The following XPR1 variants were observed in gnomAD, a reference collection of about 807,000 sequenced individuals.
The protein encoded by XPR1 is xenotropic and polytropic retrovirus receptor 1.
Under a neutral mutation model 87.5 loss-of-function variants are expected in XPR1, and 28 were observed. The ratio of observed to expected loss-of-function variants is 0.32; its 90% confidence interval spans 0.24 to 0.44. The LOEUF is 0.44. Among genes scored for constraint, XPR1 ranks in the 20% least tolerant of loss-of-function variants. The pLI, the probability that XPR1 is intolerant of heterozygous loss-of-function variation, is 1.00. For synonymous variants in XPR1, 300 were observed against 306.1 expected (o/e 0.98, Z 0.21); for missense variants, 559 against 862.3 (o/e 0.65, Z 4.41).
At chr1:180,873,571 T>C (rs1652572138) in intron 12 of XPR1, among the ~76,000 whole-genome samples, 1 of 152,196 alleles carries the variant, frequency 6.6e-6, no homozygotes, top group Non-Finnish European at 1.5e-5. Context: ...TTACTCAAAT[T>C]CAGTAATACT....
chr1:180,645,296 T>C (rs1236270064), intron 1 of XPR1, among the ~76,000 whole-genome samples: 1 of 152,194 alleles, frequency 6.6e-6, no homozygotes, highest in Non-Finnish European at 1.5e-5. Flanking sequence ...CTGAGATAGG[T>C]GATCATGCAC....
chr1:180,824,044 A>G (rs1650734223), intron 7 of XPR1, among the ~76,000 whole-genome samples: 1 of 152,212 alleles, frequency 6.6e-6, no homozygotes, highest in African/African-American at 2.4e-5. Context: ...AGATATTACT[A>G]TATCCAGTTT....
intron 6 of XPR1, among the ~76,000 whole-genome samples, chr1:180,807,712 A>G (rs1317749221): frequency 6.6e-6 from 1 of 152,202 alleles, no homozygotes; most frequent in Non-Finnish European, 1.5e-5. Context: ...AGATTTAAAA[A>G]TTTATATGGA....
rs763912215 is a variant in XPR1 at position 180,806,064 on chromosome 1, T to C, written c.450T>C (p.Asn150=). Reference sequence around the variant, plus strand: ...GTGTTTCTCATTTCTTTCTGTAGAATCTGAATTTTACAGGGTTTCGAAAAA... The same window carrying C: ...GTGTTTCTCATTTCTTTCTGTAGAACCTGAATTTTACAGGGTTTCGAAAAA... ...LSLILLQNYQ[N]LNFTGFRKIL... The change falls in exon 5 of 15, where the codon AAT becomes AAC. Residue 150 remains asparagine (N), a splice_region_variant and synonymous_variant. Transcript: ENST00000367590. 6.2e-7 allele frequency: 1 copy of C among 1,612,096 alleles called. No individual in the cohort carries two copies. Among genetic ancestry groups the C allele is most frequent in the South Asian group, 1.1e-5 (1 of 90,664 alleles).
At chr1:180,789,975 A>G (rs987057823) in intron 3 of XPR1, among the ~76,000 whole-genome samples, 1 of 152,114 alleles carries the variant, frequency 6.6e-6, no homozygotes, top group Non-Finnish European at 1.5e-5. Context: ...TTCATGCTCC[A>G]AAGTGCTTTT....
chr1:180,796,708 A>G (rs1008872322), intron 3 of XPR1, among the ~76,000 whole-genome samples: 3 of 152,224 alleles, frequency 2.0e-5, no homozygotes, highest in East Asian at 3.8e-4. Context: ...ACTAGAAACA[A>G]TTCAAATGTC....
In XPR1 at chr1:180,863,730, G is replaced by C. The variant is rs1405138037; in HGVS notation, c.1524G>C (p.Met508Ile). The change falls in exon 12 of 15, where the codon ATG (methionine) becomes ATC (isoleucine). Residue 508 changes from methionine (M) to isoleucine (I), a missense_variant. Met to Ile is a conservative substitution (Grantham distance 10). Around this residue, in one of 7 missense-constraint regions of XPR1, gnomAD observed 264 missense variants for 377.2 expected, o/e 0.70. Coordinates refer to ENST00000367590, the MANE Select transcript of XPR1 (RefSeq NM_004736.4). ...THKERGHSDT[M>I]VFFYLWIVFY... ...CAGAACGAGGTCACTCGGACACTAT[G>C]GTGTTCTTTTACCTGTGGATTGTCT... is the stretch of plus-strand genomic sequence containing the variant. The C allele has an allele frequency of 2.5e-6, 4 of 1,595,356 alleles. No individual in the cohort carries two copies. The highest frequency in any genetic ancestry group is 3.4e-6 in the Non-Finnish European group (4 of 1,172,744).
In XPR1 at chr1:180,731,234, C is replaced by T. The variant is rs61400049; in HGVS notation, c.121+48823C>T. Among the ~76,000 whole-genome samples the T allele has an allele frequency of 3.3e-3, 504 of 152,074 alleles. 4 individuals are homozygous for T. The highest frequency in any genetic ancestry group is 0.011 in the African/African-American group (455 of 41,478). On this transcript the variant is annotated intron_variant, in intron 2 of 14. Transcript: ENST00000367590. ...TTTTAAAAATAAAAAGAAGTGTTAC[C>T]GAAACACCAGAGGTTTGGTCTAGGT...
chr1:180,836,614 T>C lies in XPR1; in HGVS notation c.1399T>C (p.Tyr467His). ...TCGCTTCATCCAGTGCCTGCGCCGA[T>C]ATCGAGACACAAAAAGGGCCTTTCC... ...WLRFIQCLRRYRDTKRAFPHL... is the reference protein window; with the variant it reads ...WLRFIQCLRRHRDTKRAFPHL... The change falls in exon 11 of 15, where the codon TAT (tyrosine) becomes CAT (histidine). Residue 467 changes from tyrosine (Y) to histidine (H), a missense_variant. Around this residue, in one of 7 missense-constraint regions of XPR1, gnomAD observed 264 missense variants for 377.2 expected, o/e 0.70. Coordinates refer to ENST00000367590, the MANE Select transcript of XPR1 (RefSeq NM_004736.4). 6.2e-7 allele frequency: 1 copy of C among 1,614,214 alleles called. No individual in the cohort carries two copies. Among genetic ancestry groups the C allele is most frequent in the Non-Finnish European group, 8.5e-7 (1 of 1,180,032 alleles).
chr1:180,803,936 C>T (rs1406450492), intron 4 of XPR1, among the ~76,000 whole-genome samples: 1 of 151,998 alleles, frequency 6.6e-6, no homozygotes. Context: ...AATAATACAT[C>T]TCTCCAGCCA....
intron 2 of XPR1, among the ~76,000 whole-genome samples, chr1:180,778,818 G>A (rs1456470598): frequency 1.3e-5 from 2 of 152,120 alleles, no homozygotes; most frequent in African/African-American, 4.8e-5. Flanking sequence ...AATTTCCTGG[G>A]AATTGCTATT....
rs1330154532 is a variant in XPR1 at position 180,696,206 on chromosome 1, G to GTATA, written c.121+13796_121+13797insATAT. 9.6e-3 allele frequency among the ~76,000 whole-genome samples: 981 copies of GTATA among 101,956 alleles called. 5 individuals are homozygous for GTATA. Among genetic ancestry groups the GTATA allele is most frequent in the Non-Finnish European group, 0.014 (693 of 49,368 alleles). The allele number at this position is 101,956 out of a possible 152,430, so 66.9% of individuals were successfully genotyped here. A position where few individuals can be genotyped will look rare whatever the true frequency, so the allele number is the denominator to read the frequency against. ...TGTGTGTGTGTGTGTGTGTGTGTGT[G>GTATA]TGTATATATATATATATATATATAT... On this transcript the variant is annotated intron_variant, in intron 2 of 14. Coordinates refer to ENST00000367590, the MANE Select transcript of XPR1 (RefSeq NM_004736.4).
intron 9 of XPR1, among the ~76,000 whole-genome samples, chr1:180,828,849 A>G (rs1275194575): frequency 2.0e-5 from 3 of 152,146 alleles, no homozygotes; most frequent in Non-Finnish European, 4.4e-5. Context: ...CCTATTAGTC[A>G]CTTATGTTAG....
intron 1 of XPR1, among the ~76,000 whole-genome samples, chr1:180,653,003 A>G (rs1384346918): frequency 3.3e-5 from 5 of 152,116 alleles, no homozygotes; most frequent in African/African-American, 9.7e-5. Flanking sequence ...ATGGTTTGCA[A>G]TTTGTGCTGG....
intron 3 of XPR1, among the ~76,000 whole-genome samples, chr1:180,794,070 G>A (rs1399886344): frequency 6.6e-6 from 1 of 152,086 alleles, no homozygotes; most frequent in African/African-American, 2.4e-5. Flanking sequence ...ATAGTTACGT[G>A]TCACTTAATG....
At chr1:180,790,370 G>A (rs1056963124) in intron 3 of XPR1, among the ~76,000 whole-genome samples, 3 of 151,820 alleles carry the variant, frequency 2.0e-5, no homozygotes, top group African/African-American at 7.3e-5. Context: ...AAAAAAATGA[G>A]CAAGCAAATT....
intron 9 of XPR1, among the ~76,000 whole-genome samples, chr1:180,828,875 C>T (rs191849095): frequency 6.6e-6 from 1 of 152,156 alleles, no homozygotes; most frequent in Admixed American, 6.5e-5. Context: ...TAACTTTGAT[C>T]TAGTGGATCA....
At chr1:180,805,074 G>C (rs1314442895) in intron 4 of XPR1, among the ~76,000 whole-genome samples, 1 of 152,044 alleles carries the variant, frequency 6.6e-6, no homozygotes, top group Non-Finnish European at 1.5e-5. Context: ...CTATTCTTTG[G>C]GGGTCATCTA....
At chr1:180,786,923 T>G (rs1337522821) in intron 2 of XPR1, among the ~76,000 whole-genome samples, 1 of 152,188 alleles carries the variant, frequency 6.6e-6, no homozygotes, top group East Asian at 1.9e-4. Context: ...TAATTTACAC[T>G]CTTCAGTGCA....
Sources: gnomAD v4.1 joint callset for allele counts (sites outside exome capture counted in the v4.1 genomes callset) on GRCh38, gnomAD v4.1.1 for gene constraint, gnomAD v4.1.1 regional missense constraint, MANE v1.5 for transcripts, NCBI Gene and HGNC (gene_info 2026-07-23, HGNC 2026-07-21) for gene names.